NALF1: variants seen among roughly 807,000 people sequenced by gnomAD.
NALF1 encodes NALCN channel auxiliary factor 1.
Under a neutral mutation model 48.4 loss-of-function variants are expected in NALF1, and 3 were observed. That is an observed-to-expected ratio of 0.06 (90% CI 0.03 to 0.16). The LOEUF is 0.16. NALF1 is among the 10% of genes least tolerant of loss of function. NALF1 has a pLI of 1.00. For synonymous variants in NALF1, 262 were observed against 245.7 expected (o/e 1.07, Z -0.62); for missense variants, 526 against 571.5 (o/e 0.92, Z 0.81).
chr13:107,442,565 G>A (rs1017177337), intron 1 of NALF1, among the ~76,000 whole-genome samples: 4 of 152,144 alleles, frequency 2.6e-5, no homozygotes, highest in Non-Finnish European at 4.4e-5. Flanking sequence ...AATTTTTAAA[G>A]ACAAAGATAC....
chr13:107,384,498 G>GT (rs1015628865), intron 1 of NALF1, among the ~76,000 whole-genome samples: 22 of 151,754 alleles, frequency 1.4e-4, no homozygotes, highest in East Asian at 9.7e-4. Context: ...GTTTTTGGTG[G>GT]TTTTTTTTAT....
intron 1 of NALF1, among the ~76,000 whole-genome samples, chr13:107,680,529 G>C (rs1420004745): frequency 6.6e-6 from 1 of 151,692 alleles, no homozygotes; most frequent in African/African-American, 2.4e-5. Context: ...TGTGTGAGGA[G>C]TGTGTATGTG....
chr13:107,688,407 C>A (rs1881487754), intron 1 of NALF1, among the ~76,000 whole-genome samples: 2 of 152,114 alleles, frequency 1.3e-5, no homozygotes, highest in East Asian at 1.9e-4. Context: ...CTTAACGTTA[C>A]TAAATTCAAA....
chr13:107,426,154 T>C (rs942201405), intron 1 of NALF1, among the ~76,000 whole-genome samples: 2 of 152,186 alleles, frequency 1.3e-5, no homozygotes, highest in Non-Finnish European at 2.9e-5. Flanking sequence ...AAATGCTCCC[T>C]GACAGTTTGT....
At chr13:107,271,002 C>T (rs1439162974) in intron 1 of NALF1, among the ~76,000 whole-genome samples, 3 of 152,146 alleles carry the variant, frequency 2.0e-5, no homozygotes, top group Non-Finnish European at 4.4e-5. Context: ...AAGGCAGTAT[C>T]AGCTATGCCA....
intron 1 of NALF1, among the ~76,000 whole-genome samples, chr13:107,774,915 T>A (rs1043028938): frequency 1.3e-5 from 2 of 152,170 alleles, no homozygotes; most frequent in Non-Finnish European, 2.9e-5. Flanking sequence ...ACATGTGTCT[T>A]AGAGATCACA....
At chr13:107,288,106 C>G (rs73584936) in intron 1 of NALF1, among the ~76,000 whole-genome samples, 5,884 of 151,548 alleles carry the variant, frequency 0.039, 405 homozygotes, top group African/African-American at 0.13. Flanking sequence ...CCTGCTATAA[C>G]AAAATTCATA....
intron 1 of NALF1, among the ~76,000 whole-genome samples, chr13:107,638,542 GAGA>G (rs1880055754): frequency 3.3e-5 from 5 of 152,052 alleles, no homozygotes; most frequent in Admixed American, 3.3e-4. Context: ...AGGACAGAGG[GAGA>G]AGAGGATAAG....
intron 1 of NALF1, among the ~76,000 whole-genome samples, chr13:107,696,844 G>A (rs1881712094): frequency 6.6e-6 from 1 of 151,856 alleles, no homozygotes; most frequent in South Asian, 2.1e-4. Context: ...TGTAGATTGC[G>A]TCCTTGCCTT....
intron 1 of NALF1, among the ~76,000 whole-genome samples, chr13:107,259,815 A>C (rs964102204): frequency 1.3e-5 from 2 of 152,206 alleles, no homozygotes; most frequent in African/African-American, 4.8e-5. Context: ...GCTACTTGAA[A>C]GCGAACAATA....
At chr13:107,581,019 AC>A (rs1168325716) in intron 1 of NALF1, among the ~76,000 whole-genome samples, 2 of 152,160 alleles carry the variant, frequency 1.3e-5, no homozygotes, top group Non-Finnish European at 2.9e-5. Flanking sequence ...AATACGGTAA[AC>A]CCAGATAAGA....
intron 1 of NALF1, among the ~76,000 whole-genome samples, chr13:107,501,836 A>C (rs919893938): frequency 2.6e-5 from 4 of 152,216 alleles, no homozygotes; most frequent in Admixed American, 6.5e-5. Flanking sequence ...TATTTATCCA[A>C]CTGAAAGGAT....
At chr13:107,348,825 C>T (rs1882820611) in intron 1 of NALF1, among the ~76,000 whole-genome samples, 2 of 152,176 alleles carry the variant, frequency 1.3e-5, no homozygotes, top group East Asian at 3.9e-4. Flanking sequence ...GAATAAGAGT[C>T]ACTGAAAGCT....
At position 107,516,402 on chromosome 13, in the gene NALF1, A is replaced by G. The variant is rs183887834; in HGVS notation, c.916-305647T>C. On this transcript the variant is annotated intron_variant, in intron 1 of 2. Coordinates refer to ENST00000375915, the MANE Select transcript of NALF1 (RefSeq NM_001080396.3). ...AGTGTACCATATTAACAATCAACCA[A>G]CATTCCACCATGTGAGGAAGTTGAC... Among the ~76,000 whole-genome samples, 109 of 152,276 alleles carry G rather than the reference A, an allele frequency of 7.2e-4. 1 individual carries two copies. Among genetic ancestry groups the G allele is most frequent in the South Asian group, 3.5e-3 (17 of 4,824 alleles).
intron 1 of NALF1, among the ~76,000 whole-genome samples, chr13:107,243,315 G>T (rs1038851063): frequency 6.6e-6 from 1 of 152,118 alleles, no homozygotes; most frequent in South Asian, 2.1e-4. Context: ...TCCTTCTTAA[G>T]ATCTCAACTT....
intron 1 of NALF1, among the ~76,000 whole-genome samples, chr13:107,211,399 G>A (rs1489539153): frequency 6.6e-6 from 1 of 152,166 alleles, no homozygotes; most frequent in African/African-American, 2.4e-5. Context: ...GGAGTAGGAG[G>A]GAAGCCTCAT....
At chr13:107,441,214 T>C (rs538633195) in intron 1 of NALF1, among the ~76,000 whole-genome samples, 6 of 152,244 alleles carry the variant, frequency 3.9e-5, no homozygotes, top group East Asian at 1.9e-4. Flanking sequence ...TCTGACAAGA[T>C]TGATATATTT....
chr13:107,295,587 C>T (rs1170637719), intron 1 of NALF1, among the ~76,000 whole-genome samples: 1 of 152,128 alleles, frequency 6.6e-6, no homozygotes, highest in East Asian at 1.9e-4. Context: ...CCAGAGCTGG[C>T]ATGGCTCTCA....
intron 1 of NALF1, among the ~76,000 whole-genome samples, chr13:107,257,791 G>T (rs1307657296): frequency 6.6e-6 from 1 of 152,118 alleles, no homozygotes; most frequent in African/African-American, 2.4e-5. Context: ...TGGGAGGTAG[G>T]GGATGGGGGG....
Sources: allele counts gnomAD v4.1 joint callset (sites outside exome capture counted in the v4.1 genomes callset), GRCh38; gene constraint gnomAD v4.1.1; transcripts MANE v1.5; gene names NCBI Gene and HGNC (gene_info 2026-07-23, HGNC 2026-07-21).